Variants in ABCA12 observed in about 807,000 individuals in gnomAD.
The protein encoded by ABCA12 is ATP binding cassette subfamily A member 12, also known as glucosylceramide transporter ABCA12.
In ABCA12, 156 loss-of-function variants were observed where a neutral mutation model predicts 293.5. The ratio of observed to expected loss-of-function variants is 0.53; its 90% CI spans 0.47 to 0.61. The LOEUF (loss-of-function observed/expected upper bound fraction) is 0.61. Among genes scored for constraint, ABCA12 ranks in the 20% least tolerant of loss-of-function variants. The pLI is 0.00. For missense variants in ABCA12, 2,797 were observed against 3,090.2 expected, an observed-to-expected ratio of 0.91 and a Z score of 2.25; for synonymous variants, 1,063 against 1,108.0, an observed-to-expected ratio of 0.96 and a Z score of 0.81.
chr2:214,964,113 A>G (rs548788549), intron 39 of ABCA12, among the ~76,000 whole-genome samples: 3 of 152,184 alleles, frequency 2.0e-5, no homozygotes, highest in Non-Finnish European at 4.4e-5. Context: ...TATCACATAA[A>G]CAGAACTAAA....
At chr2:214,938,534 C>T (rs191014028) in intron 50 of ABCA12, among the ~76,000 whole-genome samples, 3 of 152,264 alleles carry the variant, frequency 2.0e-5, no homozygotes, top group East Asian at 1.9e-4. Context: ...CTTGAGGAAT[C>T]GCCACACTGT....
chr2:215,084,978 T>C (rs1702010286), intron 2 of ABCA12, among the ~76,000 whole-genome samples: 1 of 150,274 alleles, frequency 6.7e-6, no homozygotes, highest in Non-Finnish European at 1.5e-5. Context: ...CCTGTAGTCC[T>C]AGCTACTTGG....
At chr2:215,016,179 A>T (rs1206555516) in intron 14 of ABCA12, among the ~76,000 whole-genome samples, 1 of 151,850 alleles carries the variant, frequency 6.6e-6, no homozygotes, top group Non-Finnish European at 1.5e-5. Context: ...AAAAAGAGAC[A>T]AGGAGACATT....
intron 18 of ABCA12, among the ~76,000 whole-genome samples, chr2:215,008,351 A>G (rs1574979015): frequency 6.6e-6 from 1 of 152,148 alleles, no homozygotes; most frequent in Non-Finnish European, 1.5e-5. Flanking sequence ...CATAAAACCG[A>G]TACACAAGAA....
At chr2:215,046,460 G>T (rs1451811806) in intron 6 of ABCA12, among the ~76,000 whole-genome samples, 2 of 147,256 alleles carry the variant, frequency 1.4e-5, no homozygotes, top group African/African-American at 4.9e-5. Context: ...GATACGGATA[G>T]ATTTTTATAT....
intron 6 of ABCA12, 23 bp from the exon 7 acceptor site, chr2:215,046,038 A>T (rs1198551667): frequency 6.2e-7 from 1 of 1,601,906 alleles, no homozygotes; most frequent in South Asian, 1.1e-5. Flanking sequence ...AACCACAAAC[A>T]GAGCAAAATG....
Position 214,953,872 on chromosome 2 carries a change from G to T in ABCA12, c.6629C>A (p.Ser2210Tyr). Residue 2210 changes from serine to tyrosine, a missense_variant, in exon 44 of 53, where the codon TCC becomes TAC. Ser to Tyr is a moderately radical substitution (Grantham distance 144). This residue lies in a region of ABCA12 where 2,130 missense variants were observed against 2,427.0 expected (regional missense o/e 0.88). Transcript: ENST00000272895. Reference protein sequence around the residue: ...FFSLRLLINESLIKKLRLFFR... With the variant: ...FFSLRLLINEYLIKKLRLFFR... ...TATTTACCTGAGTTTCTTTATCAGGGATTCGTTGATTAAGAGTCGCAAGGA... is the reference window on the plus strand; with the variant it reads ...TATTTACCTGAGTTTCTTTATCAGGTATTCGTTGATTAAGAGTCGCAAGGA... The T allele has an allele frequency of 6.2e-7, 1 of 1,613,822 alleles. No individual in the cohort carries two copies. Among genetic ancestry groups the T allele is most frequent in the East Asian group, 2.2e-5 (1 of 44,812 alleles).
At chr2:215,041,014 G>A (rs1701089115) in intron 7 of ABCA12, among the ~76,000 whole-genome samples, 1 of 152,010 alleles carries the variant, frequency 6.6e-6, no homozygotes, top group Admixed American at 6.6e-5. Context: ...GCCTGTTTAT[G>A]TAAATAAAAG....
At chr2:215,130,386 C>A (rs1016931125) in intron 1 of ABCA12, among the ~76,000 whole-genome samples, 8 of 152,044 alleles carry the variant, frequency 5.3e-5, no homozygotes, top group Non-Finnish European at 2.9e-5. Flanking sequence ...TTGGTGTTAT[C>A]TACAATTTAA....
At chr2:214,986,491 T>C (rs1699789691) in intron 28 of ABCA12, 51 bp downstream of exon 28, 1 of 1,550,016 alleles carries the variant, frequency 6.5e-7, no homozygotes, top group South Asian at 1.1e-5. Context: ...TTTACACCTG[T>C]ATTTTTTGTA....
chr2:214,992,030 A>C (rs1000981179), intron 23 of ABCA12, among the ~76,000 whole-genome samples: 2 of 152,186 alleles, frequency 1.3e-5, no homozygotes, highest in African/African-American at 4.8e-5. Flanking sequence ...TTAAAGTATA[A>C]TAAAATAATA....
chr2:214,991,103 T>C, intron 23 of ABCA12, 72 bp from the exon 24 acceptor site: 1 of 1,322,612 alleles, frequency 7.6e-7, no homozygotes, highest in Non-Finnish European at 1.1e-6. Flanking sequence ...CCCTGTATTA[T>C]GTCAAAATGT....
intron 50 of ABCA12, among the ~76,000 whole-genome samples, chr2:214,941,911 ATT>A (rs1185945815): frequency 6.6e-6 from 1 of 151,598 alleles, no homozygotes; most frequent in African/African-American, 2.4e-5. Context: ...TCTTTATCCA[ATT>A]TGCCAGTCTG....
chr2:214,994,217 C>T (rs911925633), intron 23 of ABCA12, among the ~76,000 whole-genome samples: 8 of 152,098 alleles, frequency 5.3e-5, no homozygotes, highest in East Asian at 1.9e-4. Flanking sequence ...GGGGGCCCAC[C>T]GAGAGCGGCT....
intron 3 of ABCA12, among the ~76,000 whole-genome samples, chr2:215,060,678 T>G (rs1701511065): frequency 6.6e-6 from 1 of 152,014 alleles, no homozygotes; most frequent in African/African-American, 2.4e-5. Flanking sequence ...TCTACATCCT[T>G]TCTCATCTAT....
intron 2 of ABCA12, among the ~76,000 whole-genome samples, chr2:215,077,688 CAT>C (rs1346715270): frequency 2.6e-5 from 4 of 152,192 alleles, no homozygotes; most frequent in African/African-American, 4.8e-5. Context: ...TGTTGGCAAA[CAT>C]GTGCCATTTA....
intron 14 of ABCA12, 36 bp from the exon 15 acceptor site, chr2:215,015,699 A>G: frequency 6.3e-7 from 1 of 1,592,576 alleles, no homozygotes; most frequent in Non-Finnish European, 8.6e-7. Flanking sequence ...TCAACTGTGA[A>G]TCATTCGAGA....
chr2:214,992,981 C>A (rs1260919097), intron 23 of ABCA12, among the ~76,000 whole-genome samples: 1 of 151,900 alleles, frequency 6.6e-6, no homozygotes. Context: ...CCTAAGTTTT[C>A]CAGGAAAAAA....
At chr2:215,000,075 C>A (rs567934672) in intron 22 of ABCA12, among the ~76,000 whole-genome samples, 2 of 152,204 alleles carry the variant, frequency 1.3e-5, no homozygotes, top group East Asian at 3.9e-4. Flanking sequence ...TCAGTGCTAC[C>A]CAACTGGCAG....
Sources: allele counts gnomAD v4.1 joint callset (sites outside exome capture counted in the v4.1 genomes callset), GRCh38; gene constraint gnomAD v4.1.1; regional missense constraint gnomAD v4.1.1; transcripts MANE v1.5; gene names NCBI Gene and HGNC (gene_info 2026-07-23, HGNC 2026-07-21).